The following KCNIP4 variants were observed in gnomAD, a reference collection of about 807,000 sequenced individuals.
KCNIP4 encodes Kv channel-interacting protein 4.
In KCNIP4, 12 loss-of-function variants were observed where a neutral mutation model predicts 34.0. The ratio of observed to expected loss-of-function variants is 0.35; its 90% CI spans 0.23 to 0.57. KCNIP4 has a LOEUF of 0.57. Ranked by LOEUF, KCNIP4 falls within the 20% of genes least tolerant of loss-of-function variation. KCNIP4 has a pLI of 0.83. For missense variants in KCNIP4, 238 were observed against 311.7 expected, an observed-to-expected ratio of 0.76 and a Z score of 1.78; for synonymous variants, 124 against 102.2, an observed-to-expected ratio of 1.21 and a Z score of -1.29.
intron 1 of KCNIP4, among the ~76,000 whole-genome samples, chr4:21,370,802 T>TATAA (rs1347004817): frequency 4.8e-4 from 2 of 4,150 alleles, no homozygotes; most frequent in Non-Finnish European, 9.3e-4. Flanking sequence ...TGGATTGAAA[T>TATAA]ATATATATAT....
intron 1 of KCNIP4, among the ~76,000 whole-genome samples, chr4:21,746,552 A>T (rs138843961): frequency 0.013 from 1,966 of 151,132 alleles, 17 homozygotes; most frequent in Middle Eastern, 0.024. Flanking sequence ...GATTATAAAA[A>T]ATATTATACT....
intron 1 of KCNIP4, among the ~76,000 whole-genome samples, chr4:21,121,127 G>A (rs995167376): frequency 3.3e-5 from 5 of 152,112 alleles, no homozygotes; most frequent in African/African-American, 4.8e-5. Flanking sequence ...CAGCAAAACC[G>A]GCTGGGCAAG....
chr4:21,116,342 G>A (rs1308904011), intron 1 of KCNIP4, among the ~76,000 whole-genome samples: 2 of 152,034 alleles, frequency 1.3e-5, no homozygotes, highest in Non-Finnish European at 2.9e-5. Flanking sequence ...TTAGGCTGTT[G>A]GTTTCCTAAT....
intron 1 of KCNIP4, among the ~76,000 whole-genome samples, chr4:21,669,664 G>C (rs562802765): frequency 2.0e-5 from 3 of 152,060 alleles, no homozygotes; most frequent in East Asian, 3.9e-4. Flanking sequence ...ATAATGCAAA[G>C]TATGATGACC....
intron 1 of KCNIP4, among the ~76,000 whole-genome samples, chr4:21,334,705 T>C (rs1447237642): frequency 6.6e-6 from 1 of 152,030 alleles, no homozygotes; most frequent in Non-Finnish European, 1.5e-5. Context: ...AACACTAGTC[T>C]ACATTCTGTC....
chr4:21,242,273 C>T (rs1031244577), intron 1 of KCNIP4, among the ~76,000 whole-genome samples: 19 of 151,120 alleles, frequency 1.3e-4, no homozygotes, highest in Non-Finnish European at 2.4e-4. Context: ...TACTATACAT[C>T]GATAACCCAA....
In KCNIP4 at chr4:21,029,012, A is replaced by T. The variant is rs74919038; in HGVS notation, c.62-146303T>A. 8.0e-3 allele frequency among the ~76,000 whole-genome samples: 1,218 copies of T among 152,254 alleles called. 18 individuals carry two copies. Among genetic ancestry groups the T allele is most frequent in the African/African-American group, 0.028 (1,167 of 41,534 alleles). The stretch of plus-strand genomic sequence containing the variant: ...ACCACTGAATTATATTCCTTTTGTC[A>T]CAGTCTAAGAGCAATATAAATTCCT... On this transcript the variant is annotated intron_variant, in intron 1 of 8. Coordinates refer to ENST00000382152, the MANE Select transcript of KCNIP4 (RefSeq NM_025221.6).
intron 1 of KCNIP4, among the ~76,000 whole-genome samples, chr4:21,431,351 CA>C (rs1726429587): frequency 6.6e-6 from 1 of 151,904 alleles, no homozygotes; most frequent in South Asian, 2.1e-4. Flanking sequence ...AAATATGGAA[CA>C]AATCATAAAG....
chr4:21,670,566 T>C (rs1460598743), intron 1 of KCNIP4, among the ~76,000 whole-genome samples: 1 of 151,790 alleles, frequency 6.6e-6, no homozygotes, highest in African/African-American at 2.4e-5. Flanking sequence ...AAACTTAAAG[T>C]ATAATAAAAA....
At chr4:20,968,425 A>G (rs929232629) in intron 1 of KCNIP4, among the ~76,000 whole-genome samples, 2 of 152,064 alleles carry the variant, frequency 1.3e-5, no homozygotes, top group Admixed American at 6.6e-5. Context: ...TCCCATTACT[A>G]GGTATATACC....
At chr4:21,626,842 G>A (rs1384354397) in intron 1 of KCNIP4, among the ~76,000 whole-genome samples, 1 of 151,820 alleles carries the variant, frequency 6.6e-6, no homozygotes, top group Admixed American at 6.6e-5. Context: ...CTATTTTGCT[G>A]TGCATTTCTA....
intron 1 of KCNIP4, among the ~76,000 whole-genome samples, chr4:21,508,553 G>A (rs367894229): frequency 2.8e-4 from 42 of 152,288 alleles, no homozygotes; most frequent in African/African-American, 8.2e-4. Context: ...GATTAGCTAC[G>A]TATCTAATTA....
chr4:20,737,463 CTTGAGAAGG>C (rs1255734907), intron 5 of KCNIP4, among the ~76,000 whole-genome samples: 1 of 152,084 alleles, frequency 6.6e-6, no homozygotes, highest in African/African-American at 2.4e-5. Flanking sequence ...GGGCTGTGCT[CTTGAGAAGG>C]TGGGGAGGAT....
chr4:21,525,765 A>G (rs987979158), intron 1 of KCNIP4, among the ~76,000 whole-genome samples: 7 of 152,158 alleles, frequency 4.6e-5, no homozygotes, highest in African/African-American at 1.7e-4. Context: ...TAAGTGATGC[A>G]CTCTTTATAT....
intron 1 of KCNIP4, among the ~76,000 whole-genome samples, chr4:20,966,352 T>C (rs1484570786): frequency 9.2e-5 from 14 of 152,226 alleles, no homozygotes. Context: ...TCCTTAATTA[T>C]GTTCAAATAT....
At chr4:20,947,251 C>A (rs922493522) in intron 1 of KCNIP4, among the ~76,000 whole-genome samples, 3 of 152,170 alleles carry the variant, frequency 2.0e-5, no homozygotes, top group African/African-American at 7.2e-5. Flanking sequence ...TCACCACAAC[C>A]TCCGCCTCCC....
intron 1 of KCNIP4, among the ~76,000 whole-genome samples, chr4:21,699,906 CA>C (rs200376934): frequency 0.01 from 1,572 of 152,228 alleles, 15 homozygotes; most frequent in Non-Finnish European, 0.016. Flanking sequence ...GGGGGCATCA[CA>C]GTGGCCCAGG....
intron 1 of KCNIP4, among the ~76,000 whole-genome samples, chr4:21,577,086 T>G (rs1740799085): frequency 6.6e-6 from 1 of 152,164 alleles, no homozygotes; most frequent in South Asian, 2.1e-4. Flanking sequence ...AATACCAACT[T>G]ATCTTCCAGT....
rs116062513 is a variant in KCNIP4, at chr4:21,791,119, G to T, written c.61+157452C>A. On this transcript the variant is annotated intron_variant, in intron 1 of 8. Coordinates refer to ENST00000382152, the MANE Select transcript of KCNIP4 (RefSeq NM_025221.6). The stretch of plus-strand genomic sequence containing the variant: ...TATCAACAGAAATGTATTCCTCACA[G>T]ATCTGGAAGCTGGAAGTCTGAGGAC... 4.7e-3 allele frequency among the ~76,000 whole-genome samples: 713 copies of T among 152,190 alleles called. 4 individuals are homozygous for T. The highest frequency in any genetic ancestry group is 0.017 in the African/African-American group (694 of 41,530).
Sources: allele counts gnomAD v4.1 joint callset (sites outside exome capture counted in the v4.1 genomes callset), GRCh38; gene constraint gnomAD v4.1.1; transcripts MANE v1.5; gene names NCBI Gene and HGNC (gene_info 2026-07-23, HGNC 2026-07-21).